KMT2D: variants seen among roughly 807,000 people sequenced by gnomAD.
KMT2D encodes the protein histone-lysine N-methyltransferase 2D.
Under a neutral mutation model 512.7 loss-of-function variants are expected in KMT2D, and 55 were observed. That is an observed-to-expected ratio of 0.11 (90% CI 0.09 to 0.13). The LOEUF is 0.13. KMT2D is among the 10% of genes least tolerant of loss of function. The probability of loss-of-function intolerance (pLI) is 1.00; values close to 1 mark genes in which losing one functional copy is unlikely to be tolerated. For missense variants in KMT2D, 6,061 were observed against 7,127.9 expected (o/e 0.85, Z 5.39); for synonymous variants, 2,995 against 2,904.0 (o/e 1.03, Z -1.01).
chr12:49,030,838 C>T (rs903632347), intron 41 of KMT2D, 55 bp downstream of exon 41: 1 of 1,611,426 alleles, frequency 6.2e-7, no homozygotes, highest in African/African-American at 1.3e-5. Flanking sequence ...AGCTGGGGGA[C>T]AGGGTGCCCC....
In KMT2D at chr12:49,032,947, G is replaced by A; in HGVS notation, c.11758C>T (p.Leu3920=). ...TGCTGAAGTTGCTGTTGCTGTTGTAGCTGCTGCTGCTGCTGCTGCTGAAGT... is the reference window on the plus strand; with the variant it reads ...TGCTGAAGTTGCTGTTGCTGTTGTAACTGCTGCTGCTGCTGCTGCTGAAGT... The part of the protein sequence containing the change: ...QQLQQQQQQQ[L]QQQQQLQQQQ... Residue 3920 remains leucine (L), a synonymous_variant, in exon 40 of 55, where the codon CTA becomes TTA. Coordinates refer to ENST00000301067, the MANE Select transcript of KMT2D (RefSeq NM_003482.4). 6.5e-7 allele frequency: 1 copy of A among 1,545,542 alleles called. No homozygotes were observed.
At chr12:49,056,316 G>A (rs771426341) in intron 1 of KMT2D, among the ~76,000 whole-genome samples, 37 of 152,118 alleles carry the variant, frequency 2.4e-4, no homozygotes, top group Middle Eastern at 3.2e-3. Flanking sequence ...GGGAATAACG[G>A]TCCCTTGTCC....
chr12:49,021,672 C>T lies in KMT2D; in HGVS notation c.*108G>A. On this transcript the variant is annotated 3_prime_UTR_variant, in exon 55 of 55. Coordinates refer to ENST00000301067, the MANE Select transcript of KMT2D (RefSeq NM_003482.4). The stretch of plus-strand genomic sequence containing the variant: ...CCAGGGGCTCCGGGTCAGCCGGCAG[C>T]CCCAACCCTGGGTCCTGGCTCTGGC... The T allele has an allele frequency of 1.0e-6, 1 of 976,414 alleles. No individual in the cohort carries two copies. Among genetic ancestry groups the T allele is most frequent in the Non-Finnish European group, 1.6e-6 (1 of 644,802 alleles). 60.5% of individuals were successfully genotyped at this position (976,414 alleles called of 1,614,324 possible). A position where few individuals can be genotyped will look rare whatever the true frequency, so the allele number is the denominator to read the frequency against.
At chr12:49,055,074 C>A in intron 2 of KMT2D, 48 bp from the exon 3 acceptor site, 1 of 1,607,424 alleles carries the variant, frequency 6.2e-7, no homozygotes. Context: ...CCCTATTTAA[C>A]ACAAAGTCCA....
Position 49,043,715 on chromosome 12 carries a change from C to T in KMT2D, c.5387G>A (p.Arg1796Gln), listed in dbSNP as rs1223905716. The change falls in exon 24 of 55, where the codon CGG (arginine) becomes CAG (glutamine). Residue 1796 changes from arginine to glutamine, a missense_variant. Around this residue, in one of 16 missense-constraint regions of KMT2D, gnomAD observed 640 missense variants for 814.3 expected, o/e 0.79. Transcript: ENST00000301067. Reference protein sequence around the residue: ...RKALFAVGVGRPSFGLGTPKA... With the variant: ...RKALFAVGVGQPSFGLGTPKA... ...TGGGGTCCCTAGTCCAAAGCTTGGC[C>T]GGCCCACCCCAACTGCAAAAAGGGC... 2 of 1,613,864 alleles carry T rather than the reference C, an allele frequency of 1.2e-6. No homozygotes were observed. Among genetic ancestry groups the T allele is most frequent in the African/African-American group, 1.3e-5 (1 of 74,924 alleles).
chr12:49,036,117 G>C (rs1943202795), intron 35 of KMT2D: 1 of 152,184 alleles, frequency 6.6e-6, no homozygotes, highest in South Asian at 2.1e-4. Flanking sequence ...TTGGCAAATA[G>C]TAATTACTCA....
At position 49,050,207 on chromosome 12, in the gene KMT2D, C is replaced by A. The variant is rs745863866; in HGVS notation, c.3381G>T (p.Gly1127=). The A allele has an allele frequency of 1.2e-6, 2 of 1,613,846 alleles. No individual in the cohort carries two copies. Among genetic ancestry groups the A allele is most frequent in the African/African-American group, 2.7e-5 (2 of 75,046 alleles). ...CTGGCTGTGAACCCGGAGCATCAAT[C>A]CCATCCAGAGGGGCTGTGTCTTCCC... ...GLGEDTAPLD[G]IDAPGSQPEP... The change falls in exon 12 of 55, where the codon GGG becomes GGT. Residue 1127 remains glycine (G), a synonymous_variant. Transcript: ENST00000301067.
rs2120660701 is a variant in KMT2D, at chr12:49,050,959, C to T, written c.2724G>A (p.Leu908=). The change falls in exon 11 of 55, where the codon CTG becomes CTA. Residue 908 remains leucine (L), a synonymous_variant. Transcript: ENST00000301067. ...ACGGCAGCTCCTCGGGCAGAGGGGA[C>T]AGAGGTGGTTCCCCAGGCTCAGACA... ...PALSEPGEPP[L]SPLPEELPLS... is the part of the protein sequence containing the mutation. 6.4e-7 allele frequency: 1 copy of T among 1,557,848 alleles called. No homozygotes were observed. The highest frequency in any genetic ancestry group is 1.4e-5 in the African/African-American group (1 of 73,074).
rs1368659792 is a variant in KMT2D, at chr12:49,041,619, T to C, written c.6234+36A>G. The C allele has an allele frequency of 3.7e-6, 6 of 1,613,324 alleles. No individual in the cohort carries two copies. In the African/African-American group the frequency reaches 8.0e-5, roughly 22 times the overall value. Reference sequence around the variant, plus strand: ...TCCACCCTCAAGAGAGGCCACCCACTAGAGGACTGCTACACCCCAGCCCAG... The same window carrying C: ...TCCACCCTCAAGAGAGGCCACCCACCAGAGGACTGCTACACCCCAGCCCAG... On this transcript the variant is annotated intron_variant, in intron 31 of 54. Transcript: ENST00000301067. This position sits in a 1 kb window ranked among gnomAD's most constrained non-coding sequence, Gnocchi z 5.4.
In KMT2D at chr12:49,033,249, C is replaced by T. The variant is rs527356550; in HGVS notation, c.11456G>A (p.Gly3819Asp). The T allele has an allele frequency of 1.9e-6, 3 of 1,555,328 alleles. No individual in the cohort carries two copies. The highest frequency in any genetic ancestry group is 3.9e-5 in the Admixed American group (2 of 51,470). ...VLQQQHPGAL[G>D]PQGPHRQVLM... ...CACCTGTCTGTGAGGGCCCTGGGGGCCCAAAGCTCCAGGGTGCTGCTGCTG... is the reference window on the plus strand; with the variant it reads ...CACCTGTCTGTGAGGGCCCTGGGGGTCCAAAGCTCCAGGGTGCTGCTGCTG... The change falls in exon 40 of 55, where the codon GGC becomes GAC. Residue 3819 changes from glycine (G) to aspartate (D), a missense_variant. Physicochemically the swap from Gly to Asp is moderately conservative, Grantham distance 94 (BLOSUM62 -1). Transcript: ENST00000301067.
rs758283638 is a variant in KMT2D, at chr12:49,041,502, C to A, written c.6268G>T (p.Val2090Leu). The A allele has an allele frequency of 6.2e-7, 1 of 1,613,570 alleles. No individual in the cohort carries two copies. Among genetic ancestry groups the A allele is most frequent in the East Asian group, 2.2e-5 (1 of 44,870 alleles). Residue 2090 changes from valine (V) to leucine (L), a missense_variant, in exon 32 of 55, where the codon GTG becomes TTG. Val to Leu is a conservative substitution (Grantham distance 32). This residue lies in a region of KMT2D where 640 missense variants were observed against 814.3 expected (regional missense o/e 0.79). Transcript: ENST00000301067. This position sits in a 1 kb window ranked among gnomAD's most constrained non-coding sequence, Gnocchi z 5.4. ...AESQINKQTK[V>L]GDIARKTDRP... ...TCAGTCTTACGGGCTATGTCGCCCACCTTGGTCTGCTTGTTGATCTGGCTC... is the reference window on the plus strand; with the variant it reads ...TCAGTCTTACGGGCTATGTCGCCCAACTTGGTCTGCTTGTTGATCTGGCTC...
rs981300838 is a variant in KMT2D, at chr12:49,054,221, A to T, written c.511-81T>A. 1.3e-6 allele frequency: 2 copies of T among 1,532,210 alleles called. No individual in the cohort carries two copies. Among genetic ancestry groups the T allele is most frequent in the African/African-American group, 2.8e-5 (2 of 72,566 alleles). 94.9% of individuals were successfully genotyped at this position (1,532,210 alleles called of 1,614,324 possible). Reference sequence around the variant, plus strand: ...TCAGGCACTAGCTCTGCCCCAGTATACCCATGGTCCTTCTCATTCCAACCT... The same window carrying T: ...TCAGGCACTAGCTCTGCCCCAGTATTCCCATGGTCCTTCTCATTCCAACCT... On this transcript the variant is annotated intron_variant, in intron 5 of 54. Coordinates refer to ENST00000301067, the MANE Select transcript of KMT2D (RefSeq NM_003482.4). The surrounding 1 kb of genome is among the most constrained non-coding windows in gnomAD (Gnocchi z 6.4).
At position 49,022,725 on chromosome 12, in the gene KMT2D, C is replaced by T. The variant is rs1942387789; in HGVS notation, c.16203G>A (p.Leu5401=). Residue 5401 remains leucine, a synonymous_variant, in exon 52 of 55, where the codon CTG becomes CTA. Coordinates refer to ENST00000301067, the MANE Select transcript of KMT2D (RefSeq NM_003482.4). This position sits in a 1 kb window ranked among gnomAD's most constrained non-coding sequence, Gnocchi z 8.6. ...LRTEWKNNVY[L]ARSRIQGLGL... is the part of the protein sequence containing the mutation. ...CCAGGCCCTGGATACGGGAGCGAGC[C>T]AGGTACACGTTGTTCTTCCATTCGG... 1.2e-6 allele frequency: 2 copies of T among 1,613,892 alleles called. No homozygotes were observed. The highest frequency in any genetic ancestry group is 8.5e-7 in the Non-Finnish European group (1 of 1,179,902).
chr12:49,042,476 G>T lies in KMT2D; in HGVS notation c.5867+85C>A. 6.5e-7 allele frequency: 1 copy of T among 1,530,424 alleles called. No homozygotes were observed. The highest frequency in any genetic ancestry group is 8.9e-7 in the Non-Finnish European group (1 of 1,123,334). 94.8% of individuals were successfully genotyped at this position (1,530,424 alleles called of 1,614,324 possible). A position where few individuals can be genotyped will look rare whatever the true frequency, so the allele number is the denominator to read the frequency against. On this transcript the variant is annotated intron_variant, in intron 28 of 54. Coordinates refer to ENST00000301067, the MANE Select transcript of KMT2D (RefSeq NM_003482.4). The surrounding 1 kb of genome is among the most constrained non-coding windows in gnomAD (Gnocchi z 4.4). Reference sequence around the variant, plus strand: ...GGGGAGGAGCAGGGGAAGTGCTGCAGGAGTCCGAGGGAGGCAAAGCATGAA... The same window carrying T: ...GGGGAGGAGCAGGGGAAGTGCTGCATGAGTCCGAGGGAGGCAAAGCATGAA...
intron 49 of KMT2D, among the ~76,000 whole-genome samples, chr12:49,025,492 G>T (rs541524722): frequency 4.7e-4 from 71 of 152,306 alleles, no homozygotes; most frequent in Admixed American, 1.4e-3. Context: ...GAGCAATGGG[G>T]TATACCGCAG....
In KMT2D at chr12:49,034,628, C is replaced by T. The variant is rs373801234; in HGVS notation, c.10394G>A (p.Gly3465Glu). Residue 3465 changes from glycine (G) to glutamate (E), a missense_variant, in exon 37 of 55, where the codon GGA (glycine) becomes GAA (glutamate). Around this residue, in one of 16 missense-constraint regions of KMT2D, gnomAD observed 533 missense variants for 539.6 expected, o/e 0.99. Coordinates refer to ENST00000301067, the MANE Select transcript of KMT2D (RefSeq NM_003482.4). Reference sequence around the variant, plus strand: ...ATGGTTCTGCAGATCACTGCTAGGTCCCCCCGAGAGCCTCTGGGCTAGCAG... The same window carrying T: ...ATGGTTCTGCAGATCACTGCTAGGTTCCCCCGAGAGCCTCTGGGCTAGCAG... ...VSLLAQRLSG[G>E]PSSDLQNHVA... 2 of 1,613,188 alleles carry T rather than the reference C, an allele frequency of 1.2e-6. No homozygotes were observed. The highest frequency in any genetic ancestry group is 1.7e-5 in the Admixed American group (1 of 59,910).
Position 49,052,570 on chromosome 12 carries a change from G to A in KMT2D, c.1252C>T (p.Pro418Ser). The A allele has an allele frequency of 6.2e-7, 1 of 1,613,216 alleles. No homozygotes were observed. The highest frequency in any genetic ancestry group is 8.5e-7 in the Non-Finnish European group (1 of 1,179,518). Reference protein sequence around the residue: ...EPGPLQCEAKPLGKAGVQLEP... With the variant: ...EPGPLQCEAKSLGKAGVQLEP... ...ACCCTCAAACCCTACTCACCTAGTG[G>A]TTTGGCTTCACATTGCAGGGGCCCT... The change falls in exon 10 of 55, where the codon CCA becomes TCA. Residue 418 changes from proline to serine, a missense_variant. Pro to Ser is a moderately conservative substitution (Grantham distance 74, BLOSUM62 -1). This residue lies in a region of KMT2D where 848 missense variants were observed against 838.5 expected (regional missense o/e 1.01). Coordinates refer to ENST00000301067, the MANE Select transcript of KMT2D (RefSeq NM_003482.4).
In KMT2D at chr12:49,049,766, A is replaced by G. The variant is rs369441615; in HGVS notation, c.3822T>C (p.Asp1274=). The G allele has an allele frequency of 5.6e-6, 9 of 1,612,432 alleles. No homozygotes were observed. Among genetic ancestry groups the G allele is most frequent in the East Asian group, 4.5e-5 (2 of 44,822 alleles). Residue 1274 remains aspartate, a synonymous_variant, in exon 12 of 55, where the codon GAT becomes GAC. Coordinates refer to ENST00000301067, the MANE Select transcript of KMT2D (RefSeq NM_003482.4). ...LPETDDSLLC[D]AGTAISGGKA... ...TGCCTCCGCTGATAGCTGTCCCAGC[A>G]TCGCACAATAGTGAGTCATCAGTCT...
At position 49,046,755 on chromosome 12, in the gene KMT2D, A is replaced by G. The variant is rs1349410255; in HGVS notation, c.4272T>C (p.Cys1424=). 3.7e-6 allele frequency: 6 copies of G among 1,613,926 alleles called. No homozygotes were observed. Among genetic ancestry groups the G allele is most frequent in the Non-Finnish European group, 5.1e-6 (6 of 1,179,860 alleles). The change falls in exon 16 of 55, where the codon TGT becomes TGC. Residue 1424 remains cysteine (C), a synonymous_variant. Transcript: ENST00000301067. The surrounding 1 kb of genome is among the most constrained non-coding windows in gnomAD (Gnocchi z 4.2). The stretch of plus-strand genomic sequence containing the variant: ...ACACCTCACACACAATACACTCCAC[A>G]CAACGCCAGCCCTTGAGCAGCATCA... ...TKVMLLKGWR[C]VECIVCEVCG... is the part of the protein sequence containing the mutation.
Sources: allele counts gnomAD v4.1 joint callset (sites outside exome capture counted in the v4.1 genomes callset), GRCh38; gene constraint gnomAD v4.1.1; regional missense constraint gnomAD v4.1.1; non-coding constraint Gnocchi (gnomAD v3.1); transcripts MANE v1.5; gene names NCBI Gene and HGNC (gene_info 2026-07-23, HGNC 2026-07-21).